The following SYT7 variants were observed in gnomAD, a reference collection of about 807,000 sequenced individuals.
SYT7 encodes synaptotagmin 7, also known as synaptotagmin-7.
Under a neutral mutation model 75.1 loss-of-function variants are expected in SYT7, and 29 were observed. That is an observed-to-expected ratio of 0.39 (90% CI 0.29 to 0.53). The LOEUF (loss-of-function observed/expected upper bound fraction) is 0.53, where lower values mean the gene tolerates loss of function less well. Among genes scored for constraint, SYT7 ranks in the 20% least tolerant of loss-of-function variants. SYT7 has a pLI of 0.77. For missense variants in SYT7, 693 were observed against 953.2 expected (o/e 0.73, Z 3.59); for synonymous variants, 376 against 401.7 (o/e 0.94, Z 0.76).
chr11:61,550,191 C>T (rs777687119), intron 3 of SYT7, among the ~76,000 whole-genome samples: 3 of 152,222 alleles, frequency 2.0e-5, no homozygotes, highest in Admixed American at 6.5e-5. Context: ...CTAGCCTCAG[C>T]CTGGCCCACG....
intron 9 of SYT7, among the ~76,000 whole-genome samples, chr11:61,527,106 T>C (rs2062543747): frequency 6.6e-6 from 1 of 152,098 alleles, no homozygotes; most frequent in African/African-American, 2.4e-5. Context: ...TCCTCAGAGA[T>C]AAGAGATAAA....
At chr11:61,581,300 C>T (rs545949906), upstream of SYT7, among the ~76,000 whole-genome samples, 312 of 149,014 alleles carry the variant, frequency 2.1e-3, no homozygotes, top group Middle Eastern at 6.8e-3. Flanking sequence ...CCGCCCGCCT[C>T]GCAGTCCCCG....
At chr11:61,568,872 C>G (rs1008639679) in intron 1 of SYT7, among the ~76,000 whole-genome samples, 4 of 152,210 alleles carry the variant, frequency 2.6e-5, no homozygotes, top group Admixed American at 2.6e-4. Flanking sequence ...AGGGATGGCC[C>G]TGTTCTGATT....
chr11:61,542,493 G>T lies in SYT7; in HGVS notation c.659C>A (p.Thr220Asn). ...TTGCAGGCTCTGCTGCCGCATCAGG[G>T]TGCGGGGTCGCTGGCATTTCGGCTC... Reference protein sequence around the residue: ...TGEPKCQRPRTLMRQQSLQQP... With the variant: ...TGEPKCQRPRNLMRQQSLQQP... Residue 220 changes from threonine to asparagine, a missense_variant, in exon 6 of 13, where the codon ACC (threonine) becomes AAC (asparagine). This residue lies in a region of SYT7 where 487 missense variants were observed against 593.2 expected (regional missense o/e 0.82). Transcript: ENST00000539008. The surrounding 1 kb of genome is among the most constrained non-coding windows in gnomAD (Gnocchi z 7.8). 6.5e-7 allele frequency: 1 copy of T among 1,532,754 alleles called. No homozygotes were observed. The highest frequency in any genetic ancestry group is 8.7e-7 in the Non-Finnish European group (1 of 1,145,828). 94.9% of individuals were successfully genotyped at this position (1,532,754 alleles called of 1,614,324 possible). A position where few individuals can be genotyped will look rare whatever the true frequency, so the allele number is the denominator to read the frequency against.
In SYT7 at chr11:61,580,839, T is replaced by C; in HGVS notation, c.-19A>G. On this transcript the variant is annotated 5_prime_UTR_variant, in exon 1 of 13. Transcript: ENST00000539008. This position sits in a 1 kb window ranked among gnomAD's most constrained non-coding sequence, Gnocchi z 6.1. Reference sequence around the variant, plus strand: ...GGTACATGGTCCCCTCGTCGCCGGTTCCCTCCGGGCTCCTCAGAGCCGCCC... The same window carrying C: ...GGTACATGGTCCCCTCGTCGCCGGTCCCCTCCGGGCTCCTCAGAGCCGCCC... 8.0e-7 allele frequency: 1 copy of C among 1,253,982 alleles called. No homozygotes were observed. Among genetic ancestry groups the C allele is most frequent in the Non-Finnish European group, 1.0e-6 (1 of 996,936 alleles). 77.7% of individuals were successfully genotyped at this position (1,253,982 alleles called of 1,614,324 possible).
At chr11:61,565,801 A>T (rs1392043968) in intron 1 of SYT7, among the ~76,000 whole-genome samples, 1 of 152,260 alleles carries the variant, frequency 6.6e-6, no homozygotes, top group Non-Finnish European at 1.5e-5. Flanking sequence ...TGTTTTGGAA[A>T]GTTACAAGTA....
rs2063080136 is a variant in SYT7, at chr11:61,542,712, A to T, written c.573-133T>A. 7.3e-7 allele frequency: 1 copy of T among 1,366,318 alleles called. No homozygotes were observed. The highest frequency in any genetic ancestry group is 3.4e-5 in the Admixed American group (1 of 29,334). The allele number at this position is 1,366,318 out of a possible 1,614,324, so 84.6% of individuals were successfully genotyped here. A position where few individuals can be genotyped will look rare whatever the true frequency, so the allele number is the denominator to read the frequency against. Reference sequence around the variant, plus strand: ...CGCTGCCGGACCTCGCCAGGCCTCCATCGGAGCTGTCGCCACCGCCGTCGC... The same window carrying T: ...CGCTGCCGGACCTCGCCAGGCCTCCTTCGGAGCTGTCGCCACCGCCGTCGC... On this transcript the variant is annotated intron_variant, in intron 5 of 12. Coordinates refer to ENST00000539008, the MANE Select transcript of SYT7 (RefSeq NM_001365809.2). The surrounding 1 kb of genome is among the most constrained non-coding windows in gnomAD (Gnocchi z 7.8).
intron 1 of SYT7, among the ~76,000 whole-genome samples, chr11:61,571,981 C>A (rs917556351): frequency 6.6e-6 from 1 of 152,226 alleles, no homozygotes; most frequent in Non-Finnish European, 1.5e-5. Context: ...ACCCTATCCC[C>A]GGTCCCTGCT....
Position 61,546,796 on chromosome 11 carries a change from C to T in SYT7, c.347+381G>A, listed in dbSNP as rs930643309. ...CCGACCACCGACCACCGAGCAGCCACGGCAGCACACAGCGGGGAGGAAGAA... is the reference window on the plus strand; with the variant it reads ...CCGACCACCGACCACCGAGCAGCCATGGCAGCACACAGCGGGGAGGAAGAA... On this transcript the variant is annotated intron_variant, in intron 4 of 12. Transcript: ENST00000539008. This position sits in a 1 kb window ranked among gnomAD's most constrained non-coding sequence, Gnocchi z 7.6. The T allele has an allele frequency of 4.2e-5, 16 of 378,202 alleles. No homozygotes were observed. The highest frequency in any genetic ancestry group is 3.6e-5 in the Non-Finnish European group (7 of 196,028). The allele number at this position is 378,202 out of a possible 1,614,324, so 23.4% of individuals were successfully genotyped here.
chr11:61,523,348 G>T lies in SYT7; in HGVS notation c.1757-74C>A. On this transcript the variant is annotated intron_variant, in intron 11 of 12. Coordinates refer to ENST00000539008, the MANE Select transcript of SYT7 (RefSeq NM_001365809.2). The surrounding 1 kb of genome is among the most constrained non-coding windows in gnomAD (Gnocchi z 5.0). ...TCCTAGGATCCTTTTCCCCTTCCAG[G>T]AATGGAAGCTGAGGCAGGAGGGCCG... 1 of 1,453,254 alleles carries T rather than the reference G, an allele frequency of 6.9e-7. No individual in the cohort carries two copies. Among genetic ancestry groups the T allele is most frequent in the Non-Finnish European group, 9.6e-7 (1 of 1,038,538 alleles). The allele number at this position is 1,453,254 out of a possible 1,614,324, so 90.0% of individuals were successfully genotyped here.
chr11:61,515,112 A>T lies in SYT7; in HGVS notation c.*3515T>A, dbSNP rs1026303065. Among the ~76,000 whole-genome samples, 3 of 152,170 alleles carry T rather than the reference A, an allele frequency of 2.0e-5. No homozygotes were observed. Among genetic ancestry groups the T allele is most frequent in the African/African-American group, 7.2e-5 (3 of 41,436 alleles). On this transcript the variant is annotated 3_prime_UTR_variant, in exon 13 of 13. Coordinates refer to ENST00000539008, the MANE Select transcript of SYT7 (RefSeq NM_001365809.2). ...TGTAGCTGCCTCTCTGCTTTCTGGG[A>T]AGCCAGTGGGATCATATTCTATAGA...
upstream of SYT7, among the ~76,000 whole-genome samples, chr11:61,585,362 T>G (rs992211957): frequency 2.6e-5 from 4 of 152,066 alleles, no homozygotes; most frequent in African/African-American, 9.7e-5. Context: ...CCATCATCCA[T>G]GTGGCAAGAG....
chr11:61,536,547 A>G (rs1404935173), intron 7 of SYT7, among the ~76,000 whole-genome samples: 1 of 152,164 alleles, frequency 6.6e-6, no homozygotes, highest in African/African-American at 2.4e-5. Context: ...TCAGGAAGTC[A>G]CAGCTCCTGT....
At chr11:61,571,657 C>T (rs1419885057) in intron 1 of SYT7, among the ~76,000 whole-genome samples, 1 of 152,258 alleles carries the variant, frequency 6.6e-6, no homozygotes, top group African/African-American at 2.4e-5. Context: ...AGGAAGGAAG[C>T]AGACTCAGGC....
upstream of SYT7, among the ~76,000 whole-genome samples, chr11:61,584,051 C>G (rs1184081570): frequency 3.3e-5 from 5 of 152,186 alleles, no homozygotes; most frequent in Admixed American, 3.3e-4. Flanking sequence ...TTTCCTTTGA[C>G]TATTGTTAAG....
At chr11:61,549,041 C>A (rs1420196006) in intron 3 of SYT7, among the ~76,000 whole-genome samples, 2 of 152,192 alleles carry the variant, frequency 1.3e-5, no homozygotes, top group Admixed American at 6.5e-5. Flanking sequence ...ATGTCCCTTC[C>A]CAGCAGAGCC....
chr11:61,586,112 C>T (rs1247802906), upstream of SYT7, among the ~76,000 whole-genome samples: 1 of 152,204 alleles, frequency 6.6e-6, no homozygotes, highest in Non-Finnish European at 1.5e-5. Flanking sequence ...TCCCACCTCA[C>T]CCTCACCCTA....
intron 1 of SYT7, among the ~76,000 whole-genome samples, chr11:61,572,964 G>A (rs183518420): frequency 4.9e-4 from 74 of 152,366 alleles, no homozygotes; most frequent in African/African-American, 1.5e-3. Flanking sequence ...TGCTGCCAGC[G>A]CCTCAGTGTG....
chr11:61,581,369 T>C (rs1466792172), upstream of SYT7, among the ~76,000 whole-genome samples: 1 of 151,674 alleles, frequency 6.6e-6, no homozygotes, highest in Non-Finnish European at 1.5e-5. Context: ...CCGGCTCCGC[T>C]GCGCGACCCA....
Sources: gnomAD v4.1 joint callset for allele counts (sites outside exome capture counted in the v4.1 genomes callset) on GRCh38, gnomAD v4.1.1 for gene constraint, gnomAD v4.1.1 regional missense constraint, Gnocchi (gnomAD v3.1) non-coding constraint, MANE v1.5 for transcripts, NCBI Gene and HGNC (gene_info 2026-07-23, HGNC 2026-07-21) for gene names.